Variants in NAA25 observed in about 807,000 individuals in gnomAD.
NAA25 encodes N-terminal acetyltransferase B complex subunit NAA25.
A neutral mutation model predicts 132.5 loss-of-function variants in NAA25; 30 were observed. The observed-to-expected ratio is 0.23, with a 90% CI of 0.17 to 0.31. NAA25 has a LOEUF of 0.31. Ranked by LOEUF, NAA25 falls within the 10% of genes least tolerant of loss-of-function variation. The pLI, the probability that NAA25 is intolerant of heterozygous loss-of-function variation, is 1.00. For synonymous variants in NAA25, 359 were observed against 401.9 expected, an observed-to-expected ratio of 0.89 and a Z score of 1.28; for missense variants, 771 against 1,150.4, an observed-to-expected ratio of 0.67 and a Z score of 4.77.
intron 13 of NAA25, among the ~76,000 whole-genome samples, chr12:112,059,843 T>G (rs1178408472): frequency 6.6e-6 from 1 of 151,426 alleles, no homozygotes; most frequent in Non-Finnish European, 1.5e-5. Flanking sequence ...AGTCTTGCTC[T>G]GTTGCCCAGG....
rs536013184 is a variant in NAA25, at chr12:112,030,521, A to T, written c.2797-868T>A. Among the ~76,000 whole-genome samples the T allele has an allele frequency of 6.6e-5, 10 of 152,346 alleles. No homozygotes were observed. The South Asian group carries it at 1.7e-3, about 25-fold the overall frequency. On this transcript the variant is annotated intron_variant, in intron 23 of 23. Transcript: ENST00000261745. ...TTGACAAAGCCCCTGAGTTCAAGAGACCAACTATATATTCTTCAATATGAG... is the reference window on the plus strand; with the variant it reads ...TTGACAAAGCCCCTGAGTTCAAGAGTCCAACTATATATTCTTCAATATGAG...
intron 19 of NAA25, among the ~76,000 whole-genome samples, chr12:112,042,838 T>C (rs1158393174): frequency 1.3e-5 from 2 of 152,222 alleles, no homozygotes; most frequent in Non-Finnish European, 2.9e-5. Flanking sequence ...CAACAGCCTT[T>C]CAACAAATGA....
At chr12:112,036,748 C>T (rs573887253) in intron 22 of NAA25, among the ~76,000 whole-genome samples, 65 of 150,690 alleles carry the variant, frequency 4.3e-4, no homozygotes, top group East Asian at 2.9e-3. Context: ...CTCAGGAGGC[C>T]GAGGGAGGAG....
intron 17 of NAA25, among the ~76,000 whole-genome samples, chr12:112,045,153 T>A (rs897498663): frequency 6.6e-6 from 1 of 152,160 alleles, no homozygotes; most frequent in Non-Finnish European, 1.5e-5. Flanking sequence ...TTGGTATAGA[T>A]CTTTTTAGAC....
intron 16 of NAA25, 81 bp from the exon 17 acceptor site, chr12:112,047,871 T>C: frequency 7.4e-7 from 1 of 1,355,160 alleles, no homozygotes; most frequent in Non-Finnish European, 1.0e-6. Context: ...CCTGTTTTAC[T>C]AGACAGGAAG....
intron 1 of NAA25, among the ~76,000 whole-genome samples, chr12:112,094,332 G>GT (rs1207368071): frequency 6.6e-5 from 10 of 151,272 alleles, no homozygotes; most frequent in Non-Finnish European, 1.2e-4. Context: ...GTAGTCCTTA[G>GT]TGAAGATTCA....
chr12:112,076,653 T>A, intron 7 of NAA25, among the ~76,000 whole-genome samples: 1 of 152,024 alleles, frequency 6.6e-6, no homozygotes, highest in South Asian at 2.1e-4. Flanking sequence ...GAATTTCCTG[T>A]TGAGAATCTA....
chr12:112,101,750 G>C lies in NAA25; in HGVS notation c.58+6966C>G, dbSNP rs1031808583. ...CCAGCCCAGGTGACAGAGTGAGACT[G>C]CATCTTAAAAAATCTATCAAAAAAA... On this transcript the variant is annotated intron_variant, in intron 1 of 23. Transcript: ENST00000261745. 2.0e-5 allele frequency among the ~76,000 whole-genome samples: 3 copies of C among 150,594 alleles called. No individual in the cohort carries two copies. In the Admixed American group the frequency reaches 2.0e-4, roughly 10 times the overall value.
In NAA25 at chr12:112,049,079, T is replaced by C. The variant is rs1273481547; in HGVS notation, c.1729-636A>G. Among the ~76,000 whole-genome samples the C allele has an allele frequency of 6.6e-6, 1 of 152,252 alleles. No homozygotes were observed. The highest frequency in any genetic ancestry group is 1.5e-5 in the Non-Finnish European group (1 of 68,040). The stretch of plus-strand genomic sequence containing the variant: ...TCAAGAACCAAGTTTCTTGTCCATC[T>C]ACATTACGTAAGACCTCTGCTGGAA... On this transcript the variant is annotated intron_variant, in intron 15 of 23. Transcript: ENST00000261745. This position sits in a 1 kb window ranked among gnomAD's most constrained non-coding sequence, Gnocchi z 4.7.
At chr12:112,046,739 C>CT (rs970223843) in intron 17 of NAA25, among the ~76,000 whole-genome samples, 1 of 152,124 alleles carries the variant, frequency 6.6e-6, no homozygotes, top group Non-Finnish European at 1.5e-5. Context: ...AAGTATTCAT[C>CT]TTTTTTGCTA....
At position 112,053,640 on chromosome 12, in the gene NAA25, T is replaced by A; in HGVS notation, c.1646A>T (p.Tyr549Phe). 6.2e-7 allele frequency: 1 copy of A among 1,604,660 alleles called. No homozygotes were observed. Among genetic ancestry groups the A allele is most frequent in the Non-Finnish European group, 8.5e-7 (1 of 1,174,300 alleles). Residue 549 changes from tyrosine (Y) to phenylalanine (F), a missense_variant, in exon 15 of 24, where the codon TAT becomes TTT. Coordinates refer to ENST00000261745, the MANE Select transcript of NAA25 (RefSeq NM_024953.4). ...HDTIGYLLTR[Y>F]AESLGQYAAA... Reference sequence around the variant, plus strand: ...AGCATACTGACCTAGAGATTCAGCATATCGGGTCAAAAGATAACTAGATCA... The same window carrying A: ...AGCATACTGACCTAGAGATTCAGCAAATCGGGTCAAAAGATAACTAGATCA...
chr12:112,072,084 A>G lies in NAA25; in HGVS notation c.867-20T>C. On this transcript the variant is annotated intron_variant, in intron 9 of 23. Coordinates refer to ENST00000261745, the MANE Select transcript of NAA25 (RefSeq NM_024953.4). ...AAAGAGCTGAGGAAAAGCACATGAA[A>G]AAGGAATTTTATTGCCTCTATTGTC... 6.2e-7 allele frequency: 1 copy of G among 1,602,886 alleles called. No homozygotes were observed. The highest frequency in any genetic ancestry group is 8.5e-7 in the Non-Finnish European group (1 of 1,174,386).
intron 22 of NAA25, chr12:112,034,965 T>C (rs1232579156): frequency 6.6e-6 from 1 of 152,108 alleles, no homozygotes; most frequent in African/African-American, 2.4e-5. Flanking sequence ...CAGTACAATA[T>C]ATAACCATTA....
intron 1 of NAA25, among the ~76,000 whole-genome samples, chr12:112,099,278 G>T (rs757059850): frequency 7.4e-6 from 1 of 135,456 alleles, no homozygotes; most frequent in Non-Finnish European, 1.5e-5. Context: ...ATGAGCTGTC[G>T]CACTCGGCCT....
In NAA25 at chr12:112,072,102, C is replaced by T. The variant is rs1437225385; in HGVS notation, c.867-38G>A. ...ACATGAAAAAGGAATTTTATTGCCT[C>T]TATTGTCCTTCCCGAAGCTTAAAGT... On this transcript the variant is annotated intron_variant, in intron 9 of 23. Coordinates refer to ENST00000261745, the MANE Select transcript of NAA25 (RefSeq NM_024953.4). 4 of 1,457,162 alleles carry T rather than the reference C, an allele frequency of 2.7e-6. No homozygotes were observed. The African/African-American group carries it at 5.8e-5, about 21-fold the overall frequency. 90.3% of individuals were successfully genotyped at this position (1,457,162 alleles called of 1,614,324 possible).
At chr12:112,064,450 C>T (rs1419832410) in intron 11 of NAA25, among the ~76,000 whole-genome samples, 2 of 152,208 alleles carry the variant, frequency 1.3e-5, no homozygotes, top group East Asian at 1.9e-4. Flanking sequence ...AGGCTGGTCT[C>T]GAACTCCTGA....
chr12:112,043,388 G>GT (rs1308424123), intron 18 of NAA25, among the ~76,000 whole-genome samples, 177 bp from the exon 19 acceptor site: 2 of 152,110 alleles, frequency 1.3e-5, no homozygotes, highest in Non-Finnish European at 2.9e-5. Flanking sequence ...TTAATTTGTT[G>GT]CTAGCTATTA....
Position 112,061,382 on chromosome 12 carries a change from T to C in NAA25, c.1156A>G (p.Asn386Asp). 6.2e-7 allele frequency: 1 copy of C among 1,613,388 alleles called. No individual in the cohort carries two copies. Among genetic ancestry groups the C allele is most frequent in the East Asian group, 2.2e-5 (1 of 44,880 alleles). Residue 386 changes from asparagine to aspartate, a missense_variant, in exon 12 of 24, where the codon AAT becomes GAT. Coordinates refer to ENST00000261745, the MANE Select transcript of NAA25 (RefSeq NM_024953.4). ...LPATQCTKFI[N>D]QLLGVVPLST... ...AAAGGAACAACTCCAAGTAACTGAT[T>C]AATAAACTGCAAAGTGGGGAAAAAA...
intron 13 of NAA25, among the ~76,000 whole-genome samples, chr12:112,059,874 C>G (rs1207448229): frequency 2.0e-5 from 3 of 149,802 alleles, no homozygotes; most frequent in Non-Finnish European, 1.5e-5. Context: ...GTGGCATGAT[C>G]ACAGCTCACT....
Sources: gnomAD v4.1 joint callset for allele counts (sites outside exome capture counted in the v4.1 genomes callset) on GRCh38, gnomAD v4.1.1 for gene constraint, Gnocchi (gnomAD v3.1) non-coding constraint, MANE v1.5 for transcripts, NCBI Gene and HGNC (gene_info 2026-07-23, HGNC 2026-07-21) for gene names.